Variants in PPP3CC observed in about 807,000 individuals in gnomAD.
PPP3CC encodes protein phosphatase 3 catalytic subunit gamma.
A neutral mutation model predicts 60.3 loss-of-function variants in PPP3CC; 35 were observed. The ratio of observed to expected loss-of-function variants is 0.58; its 90% CI spans 0.44 to 0.77. The LOEUF (loss-of-function observed/expected upper bound fraction) is 0.77, where lower values mean the gene tolerates loss of function less well. Among genes scored for constraint, PPP3CC ranks in the 30% least tolerant of loss-of-function variants. The pLI is 0.00. For synonymous variants in PPP3CC, 206 were observed against 224.3 expected, an observed-to-expected ratio of 0.92 and a Z score of 0.73; for missense variants, 570 against 628.9, an observed-to-expected ratio of 0.91 and a Z score of 1.00.
intron 1 of PPP3CC, among the ~76,000 whole-genome samples, chr8:22,445,590 A>C (rs906460341): frequency 6.6e-6 from 1 of 152,166 alleles, no homozygotes; most frequent in Non-Finnish European, 1.5e-5. Context: ...TTTTAACATA[A>C]ATATTGTAAT....
chr8:22,486,329 A>G (rs1838223438), intron 3 of PPP3CC, among the ~76,000 whole-genome samples: 1 of 152,074 alleles, frequency 6.6e-6, no homozygotes, highest in South Asian at 2.1e-4. Context: ...GCCCCAGGGA[A>G]TGAATTCTGG....
chr8:22,448,663 G>A (rs1836913361), intron 1 of PPP3CC, among the ~76,000 whole-genome samples: 1 of 152,134 alleles, frequency 6.6e-6, no homozygotes. Context: ...ACAGGTGTGA[G>A]CCACCGTGCC....
chr8:22,494,894 A>G (rs1838517539), intron 3 of PPP3CC, among the ~76,000 whole-genome samples: 1 of 152,164 alleles, frequency 6.6e-6, no homozygotes, highest in South Asian at 2.1e-4. Flanking sequence ...TGAATTTCAT[A>G]TATCTTCTTT....
chr8:22,497,709 T>C (rs1838632037), intron 3 of PPP3CC, among the ~76,000 whole-genome samples: 1 of 152,146 alleles, frequency 6.6e-6, no homozygotes, highest in Admixed American at 6.5e-5. Flanking sequence ...AAAATGCCGT[T>C]AGTGTTTTGG....
intron 1 of PPP3CC, among the ~76,000 whole-genome samples, chr8:22,450,614 C>T (rs536619220): frequency 3.2e-4 from 49 of 152,130 alleles, no homozygotes; most frequent in Non-Finnish European, 6.9e-4. Flanking sequence ...AGTCTGTCCA[C>T]GCTGTCATCG....
chr8:22,525,495 TTTC>T (rs1839522014), intron 8 of PPP3CC, among the ~76,000 whole-genome samples: 1 of 76,270 alleles, frequency 1.3e-5, no homozygotes, highest in African/African-American at 5.1e-5. Flanking sequence ...CCTTTTCTTC[TTTC>T]TTTCTTTCTT....
intron 6 of PPP3CC, among the ~76,000 whole-genome samples, chr8:22,518,718 G>A (rs565296751): frequency 1.3e-5 from 2 of 152,186 alleles, no homozygotes; most frequent in African/African-American, 4.8e-5. Flanking sequence ...ATGGAGTCTC[G>A]CTCTGTCGCC....
At chr8:22,513,522 T>C (rs1243107309) in intron 6 of PPP3CC, 90 bp downstream of exon 6, 1 of 1,400,440 alleles carries the variant, frequency 7.1e-7, no homozygotes, top group South Asian at 1.6e-5. Flanking sequence ...TTCAAATCTA[T>C]GTAGTATAAG....
intron 1 of PPP3CC, among the ~76,000 whole-genome samples, chr8:22,449,277 G>C (rs7814163): frequency 0.34 from 51,709 of 151,162 alleles, 9,409 homozygotes; most frequent in East Asian, 0.5. Flanking sequence ...GTGAAACCCC[G>C]TGTCTACAAA....
chr8:22,451,642 C>T (rs913264292), intron 1 of PPP3CC, among the ~76,000 whole-genome samples: 1 of 152,224 alleles, frequency 6.6e-6, no homozygotes, highest in Non-Finnish European at 1.5e-5. Flanking sequence ...CAGCCCCCTT[C>T]GGTTGTGATA....
chr8:22,492,728 A>G (rs1363319025), intron 3 of PPP3CC: 1 of 1,001,626 alleles, frequency 1.0e-6, no homozygotes, highest in Non-Finnish European at 1.6e-6. Flanking sequence ...TAGAACAGCC[A>G]CAGCAGATGA....
chr8:22,521,065 A>G (rs547220090), intron 6 of PPP3CC, among the ~76,000 whole-genome samples: 1 of 152,260 alleles, frequency 6.6e-6, no homozygotes, highest in South Asian at 2.1e-4. Context: ...CAGTGGGCGT[A>G]CCACTAGGGG....
intron 1 of PPP3CC, among the ~76,000 whole-genome samples, chr8:22,446,061 C>T (rs1430484232): frequency 6.6e-6 from 1 of 152,088 alleles, no homozygotes; most frequent in African/African-American, 2.4e-5. Context: ...TCTTTTATTG[C>T]ATTTTAAAAT....
At chr8:22,516,662 C>T (rs1168021098) in intron 6 of PPP3CC, among the ~76,000 whole-genome samples, 1 of 152,056 alleles carries the variant, frequency 6.6e-6, no homozygotes, top group Non-Finnish European at 1.5e-5. Context: ...AAAATGATGC[C>T]CTACCTTCTT....
chr8:22,513,215 T>C, intron 5 of PPP3CC, 78 bp from the exon 6 acceptor site: 1 of 1,428,718 alleles, frequency 7.0e-7, no homozygotes, highest in Non-Finnish European at 9.4e-7. Context: ...GAAAGGGGTT[T>C]TTCTTTGACA....
At chr8:22,488,286 A>G (rs1838283784) in intron 3 of PPP3CC, among the ~76,000 whole-genome samples, 1 of 152,372 alleles carries the variant, frequency 6.6e-6, no homozygotes, top group South Asian at 2.1e-4. Context: ...TCAAAAGAAT[A>G]AAGCCACACA....
chr8:22,445,624 G>A (rs975286222), intron 1 of PPP3CC, among the ~76,000 whole-genome samples: 2 of 151,974 alleles, frequency 1.3e-5, no homozygotes, highest in African/African-American at 4.8e-5. Flanking sequence ...TTCCATAATG[G>A]TTTCAATCAG....
chr8:22,470,191 A>G (rs1047449277), intron 1 of PPP3CC, among the ~76,000 whole-genome samples: 1 of 151,888 alleles, frequency 6.6e-6, no homozygotes, highest in African/African-American at 2.4e-5. Context: ...GCTCAGTCAT[A>G]GGTCACTGCA....
At chr8:22,539,019 G>T (rs1404338323) in intron 12 of PPP3CC, among the ~76,000 whole-genome samples, 1 of 151,996 alleles carries the variant, frequency 6.6e-6, no homozygotes, top group African/African-American at 2.4e-5. Flanking sequence ...AGGGCAGTTG[G>T]ACTCCAAATA....
Sources: allele counts gnomAD v4.1 joint callset (sites outside exome capture counted in the v4.1 genomes callset), GRCh38; gene constraint gnomAD v4.1.1; transcripts MANE v1.5; gene names NCBI Gene and HGNC (gene_info 2026-07-23, HGNC 2026-07-21).